BRD8: variants seen among roughly 807,000 people sequenced by gnomAD.
BRD8 encodes bromodomain-containing protein 8.
Under a neutral mutation model 143.1 loss-of-function variants are expected in BRD8, and 67 were observed. The ratio of observed to expected loss-of-function variants is 0.47; its 90% CI spans 0.38 to 0.57. The LOEUF is 0.57. Among genes scored for constraint, BRD8 ranks in the 20% least tolerant of loss-of-function variants. The pLI is 0.00. For synonymous variants in BRD8, 505 were observed against 517.1 expected (o/e 0.98, Z 0.32); for missense variants, 1,103 against 1,503.0 (o/e 0.73, Z 4.40).
chr5:138,162,333 T>G (rs879609634), intron 15 of BRD8, among the ~76,000 whole-genome samples, 187 bp from the exon 16 acceptor site: 2 of 152,172 alleles, frequency 1.3e-5, no homozygotes, highest in Non-Finnish European at 2.9e-5. Flanking sequence ...TAGCTGGGAC[T>G]ATAGGTGCAT....
chr5:138,166,965 G>A, intron 9 of BRD8: 1 of 429,186 alleles, frequency 2.3e-6, no homozygotes, highest in Non-Finnish European at 4.3e-6. Flanking sequence ...GGGTGGTAAG[G>A]CTAGGTGCAG....
chr5:138,154,830 CTTTTT>C (rs200415636), intron 20 of BRD8, among the ~76,000 whole-genome samples: 1 of 137,406 alleles, frequency 7.3e-6, no homozygotes, highest in African/African-American at 2.7e-5. Context: ...AAGTTCATAA[CTTTTT>C]TTTTTTTTTT....
At chr5:138,147,954 A>T (rs1258200242) in intron 23 of BRD8, among the ~76,000 whole-genome samples, 1 of 151,540 alleles carries the variant, frequency 6.6e-6, no homozygotes, top group Admixed American at 6.6e-5. Flanking sequence ...AAAAATTAAT[A>T]TTTTTTTGGT....
chr5:138,166,911 A>T, intron 9 of BRD8, 184 bp from the exon 10 acceptor site: 1 of 546,462 alleles, frequency 1.8e-6, no homozygotes, highest in Non-Finnish European at 3.3e-6. Context: ...CCTCCAAGTT[A>T]GGAATGAACC....
chr5:138,164,626 T>G, intron 12 of BRD8, 88 bp downstream of exon 12: 2 of 1,446,004 alleles, frequency 1.4e-6, no homozygotes, highest in Non-Finnish European at 1.9e-6. Context: ...AACTCAGGAA[T>G]GCAACTGGAA....
At position 138,177,585 on chromosome 5, in the gene BRD8, A is replaced by G. The variant is rs764095782; in HGVS notation, c.102T>C (p.Ser34=). 4.5e-5 allele frequency: 73 copies of G among 1,611,484 alleles called. 1 individual carries two copies. The South Asian group carries it at 8.0e-4, about 18-fold the overall frequency. Residue 34 remains serine, a synonymous_variant, in exon 2 of 27, where the codon AGT becomes AGC. Coordinates refer to ENST00000254900, the MANE Select transcript of BRD8 (RefSeq NM_139199.2). The part of the protein sequence containing the change: ...KLCLASSVMR[S]GDQNWVSVSR... ...AGATACCTTACCAATTTTGATCGCC[A>G]CTTCTCATGACAGAAGATGCTAAAC...
Position 138,140,885 on chromosome 5 carries a change from G to A in BRD8, c.3438-3C>T, listed in dbSNP as rs770804371. 5 of 1,613,404 alleles carry A rather than the reference G, an allele frequency of 3.1e-6. No homozygotes were observed. In the Admixed American group the frequency reaches 8.3e-5, roughly 27 times the overall value. ...TCAGGCTAGTTAAGTCCATGGGTCT[G>A]CAGGTGGCCAAGAAAAAACAAAGAA... is the stretch of plus-strand genomic sequence containing the variant. On this transcript the variant is annotated splice_region_variant and splice_polypyrimidine_tract_variant and intron_variant, in intron 25 of 26. Coordinates refer to ENST00000254900, the MANE Select transcript of BRD8 (RefSeq NM_139199.2).
intron 17 of BRD8, among the ~76,000 whole-genome samples, chr5:138,161,558 C>T (rs1271264569): frequency 2.0e-5 from 3 of 152,164 alleles, no homozygotes; most frequent in Non-Finnish European, 2.9e-5. Context: ...TCAAGTGATT[C>T]ACCCACCTCA....
At chr5:138,147,906 C>CT (rs1387665738) in intron 23 of BRD8, among the ~76,000 whole-genome samples, 1 of 151,714 alleles carries the variant, frequency 6.6e-6, no homozygotes, top group Admixed American at 6.6e-5. Flanking sequence ...CCATTGCACT[C>CT]TAACTTGGGC....
At position 138,140,790 on chromosome 5, in the gene BRD8, T is replaced by G. The variant is rs536221906; in HGVS notation, c.3530A>C (p.Gln1177Pro). 1 of 1,614,198 alleles carries G rather than the reference T, an allele frequency of 6.2e-7. No individual in the cohort carries two copies. The highest frequency in any genetic ancestry group is 1.1e-5 in the South Asian group (1 of 91,078). The change falls in exon 26 of 27, where the codon CAA becomes CCA. Residue 1177 changes from glutamine (Q) to proline (P), a missense_variant. This residue lies in a region of BRD8 where 369 missense variants were observed against 445.5 expected (regional missense o/e 0.83). Coordinates refer to ENST00000254900, the MANE Select transcript of BRD8 (RefSeq NM_139199.2). ...QFLRDLMLMF[Q>P]NAVMYNDSDH... ...AGAGTCATTGTACATTACAGCATTT[T>G]GGAACATCAGCATCAGGTCTCGCAG... is the stretch of plus-strand genomic sequence containing the variant.
chr5:138,157,324 G>A lies in BRD8; in HGVS notation c.2577+2231C>T, dbSNP rs1157432414. 6.8e-6 allele frequency: 11 copies of A among 1,606,364 alleles called. No homozygotes were observed. The African/African-American group carries it at 1.3e-4, about 20-fold the overall frequency. Reference sequence around the variant, plus strand: ...TGAGTTGGTCAGGAGACAAGAGACGGTGCAACAGAAAAGTTGGGGATTTGG... The same window carrying A: ...TGAGTTGGTCAGGAGACAAGAGACGATGCAACAGAAAAGTTGGGGATTTGG... On this transcript the variant is annotated intron_variant, in intron 20 of 26. Coordinates refer to ENST00000254900, the MANE Select transcript of BRD8 (RefSeq NM_139199.2).
Position 138,169,371 on chromosome 5 carries a change from A to G in BRD8, c.506-13T>C, listed in dbSNP as rs754796847. ...ACTGCTTGACGAGCTAGAACATAAAAGAGAACAATGTCCAAATCTTCAAGA... is the reference window on the plus strand; with the variant it reads ...ACTGCTTGACGAGCTAGAACATAAAGGAGAACAATGTCCAAATCTTCAAGA... On this transcript the variant is annotated splice_polypyrimidine_tract_variant and intron_variant, in intron 7 of 26. Coordinates refer to ENST00000254900, the MANE Select transcript of BRD8 (RefSeq NM_139199.2). The G allele has an allele frequency of 6.2e-7, 1 of 1,612,060 alleles. No individual in the cohort carries two copies. The highest frequency in any genetic ancestry group is 1.3e-5 in the African/African-American group (1 of 74,862).
intron 21 of BRD8, among the ~76,000 whole-genome samples, chr5:138,151,899 G>A (rs944692990): frequency 6.6e-6 from 1 of 151,880 alleles, no homozygotes; most frequent in Non-Finnish European, 1.5e-5. Context: ...CTGTCGCCCA[G>A]GCTGGAGTGC....
intron 25 of BRD8, among the ~76,000 whole-genome samples, chr5:138,143,878 G>A (rs191770032): frequency 1.6e-3 from 251 of 152,312 alleles, no homozygotes; most frequent in African/African-American, 6.0e-3. Context: ...AAATCAGCAG[G>A]ATGTGGAGGA....
chr5:138,148,304 TC>T (rs1397923819), intron 23 of BRD8, among the ~76,000 whole-genome samples: 1 of 151,492 alleles, frequency 6.6e-6, no homozygotes, highest in South Asian at 2.1e-4. Flanking sequence ...ACATAAACAA[TC>T]CCCTAAGAGA....
intron 3 of BRD8, among the ~76,000 whole-genome samples, chr5:138,171,771 A>G (rs1393707304): frequency 2.0e-5 from 3 of 152,116 alleles, no homozygotes; most frequent in African/African-American, 4.8e-5. Flanking sequence ...TTTTATCTCT[A>G]TTTTACAAAT....
intron 25 of BRD8, among the ~76,000 whole-genome samples, chr5:138,144,925 A>C (rs922726557): frequency 1.4e-5 from 2 of 143,934 alleles, no homozygotes; most frequent in African/African-American, 5.1e-5. Flanking sequence ...AAAAATATAT[A>C]TATATATAGA....
chr5:138,171,201 A>T (rs142511886), intron 4 of BRD8, 41 bp from the exon 5 acceptor site: 15 of 1,578,970 alleles, frequency 9.5e-6, no homozygotes, highest in African/African-American at 1.4e-5. Flanking sequence ...TTCAAATAAC[A>T]TAACATTTAT....
At chr5:138,144,021 A>G (rs1752031097) in intron 25 of BRD8, among the ~76,000 whole-genome samples, 1 of 152,192 alleles carries the variant, frequency 6.6e-6, no homozygotes, top group Non-Finnish European at 1.5e-5. Context: ...TTGGGTCCGC[A>G]CTACCTTTAT....
Sources: gnomAD v4.1 joint callset for allele counts (sites outside exome capture counted in the v4.1 genomes callset) on GRCh38, gnomAD v4.1.1 for gene constraint, gnomAD v4.1.1 regional missense constraint, MANE v1.5 for transcripts, NCBI Gene and HGNC (gene_info 2026-07-23, HGNC 2026-07-21) for gene names.